Variants in RGS7 observed in about 807,000 individuals in gnomAD.
The protein encoded by RGS7 is regulator of G-protein signaling 7.
In RGS7, 27 loss-of-function variants were observed where a neutral mutation model predicts 81.1. The observed-to-expected ratio is 0.33, with a 90% CI of 0.25 to 0.46. RGS7 has a LOEUF of 0.46. Among genes scored for constraint, RGS7 ranks in the 20% least tolerant of loss-of-function variants. The probability of loss-of-function intolerance (pLI) is 1.00; values close to 1 mark genes in which losing one functional copy is unlikely to be tolerated. For synonymous variants in RGS7, 208 were observed against 207.7 expected, an observed-to-expected ratio of 1.00 and a Z score of -0.01; for missense variants, 396 against 607.4, an observed-to-expected ratio of 0.65 and a Z score of 3.66.
At chr1:240,997,772 G>A (rs552602820) in intron 3 of RGS7, among the ~76,000 whole-genome samples, 4 of 152,250 alleles carry the variant, frequency 2.6e-5, no homozygotes, top group Non-Finnish European at 2.9e-5. Context: ...TGCAGTGAGC[G>A]GAGATCGTGC....
At chr1:241,061,837 A>G (rs1039986493) in intron 3 of RGS7, among the ~76,000 whole-genome samples, 3 of 152,132 alleles carry the variant, frequency 2.0e-5, no homozygotes, top group African/African-American at 7.2e-5. Context: ...TTAGCTCCCT[A>G]TTATCTATTA....
chr1:241,006,387 G>A (rs1414337167), intron 3 of RGS7, among the ~76,000 whole-genome samples: 1 of 152,080 alleles, frequency 6.6e-6, no homozygotes, highest in East Asian at 1.9e-4. Flanking sequence ...ATCTCCTCAG[G>A]AGCTTTACTG....
At chr1:241,044,578 TGC>T (rs1308367290) in intron 3 of RGS7, among the ~76,000 whole-genome samples, 2 of 152,050 alleles carry the variant, frequency 1.3e-5, no homozygotes, top group African/African-American at 4.8e-5. Flanking sequence ...TATGCCACCA[TGC>T]TCAGCTAATT....
chr1:241,075,860 G>A (rs886159372), intron 3 of RGS7, among the ~76,000 whole-genome samples: 7 of 152,332 alleles, frequency 4.6e-5, no homozygotes, highest in African/African-American at 1.7e-4. Flanking sequence ...TTGAGGTACT[G>A]TGGAGTGAAA....
At chr1:241,259,650 C>CAAAAAAAAAAAAAAAAAAAAAAAAAAAAA (rs71571832) in intron 2 of RGS7, among the ~76,000 whole-genome samples, 2 of 39,916 alleles carry the variant, frequency 5.0e-5, no homozygotes, top group Non-Finnish European at 8.3e-5. Flanking sequence ...AACTCCGTCT[C>CAAAAAAAAAAAAAAAAAAAAAAAAAAAAA]AAAAAAAAAA....
chr1:240,975,889 T>C (rs1345390230), intron 4 of RGS7, among the ~76,000 whole-genome samples: 1 of 152,062 alleles, frequency 6.6e-6, no homozygotes, highest in South Asian at 2.1e-4. Context: ...TGGCCCCAAT[T>C]TGCTCACACA....
intron 10 of RGS7, 125 bp downstream of exon 10, chr1:240,826,973 G>T: frequency 1.2e-6 from 1 of 800,656 alleles, no homozygotes. Context: ...GGAAGGGAGG[G>T]CTGTGGAAGG....
intron 9 of RGS7, among the ~76,000 whole-genome samples, chr1:240,835,185 GA>G (rs888667081): frequency 1.3e-5 from 2 of 151,102 alleles, no homozygotes; most frequent in Non-Finnish European, 1.5e-5. Context: ...CCACAAACTG[GA>G]AAAAAAATAG....
chr1:241,181,174 ACC>A (rs1220077827), intron 2 of RGS7, among the ~76,000 whole-genome samples: 1 of 152,228 alleles, frequency 6.6e-6, no homozygotes, highest in Admixed American at 6.5e-5. Context: ...AATGTACAAC[ACC>A]AAGAGGGAAC....
In RGS7 at chr1:240,861,929, A is replaced by G. The variant is rs1046104609; in HGVS notation, c.609+6658T>C. Reference sequence around the variant, plus strand: ...TTTAGCTAGATGTTAAAATCCTGTTAATACAAGCTACTAACGCATTATTCT... The same window carrying G: ...TTTAGCTAGATGTTAAAATCCTGTTGATACAAGCTACTAACGCATTATTCT... On this transcript the variant is annotated intron_variant, in intron 9 of 18. Coordinates refer to ENST00000440928, the MANE Select transcript of RGS7 (RefSeq NM_001364886.1). Among the ~76,000 whole-genome samples, 8 of 152,298 alleles carry G rather than the reference A, an allele frequency of 5.3e-5. No individual in the cohort carries two copies. In the East Asian group the frequency reaches 1.5e-3, roughly 29 times the overall value.
intron 2 of RGS7, among the ~76,000 whole-genome samples, chr1:241,293,379 T>C (rs2079197890): frequency 6.6e-6 from 1 of 152,200 alleles, no homozygotes. Context: ...TAAGTAGAAG[T>C]ATATAATAAG....
At chr1:241,115,562 G>A (rs986674311) in intron 2 of RGS7, among the ~76,000 whole-genome samples, 4 of 152,162 alleles carry the variant, frequency 2.6e-5, no homozygotes, top group African/African-American at 9.7e-5. Flanking sequence ...CCCATTGTAT[G>A]TGTATTGATT....
intron 2 of RGS7, among the ~76,000 whole-genome samples, chr1:241,223,352 A>G (rs555974157): frequency 6.6e-6 from 1 of 152,328 alleles, no homozygotes; most frequent in African/African-American, 2.4e-5. Context: ...ATTTGCCAAG[A>G]TTTGTCCTGA....
intron 2 of RGS7, among the ~76,000 whole-genome samples, chr1:241,321,529 A>G (rs1415641730): frequency 2.0e-5 from 3 of 152,194 alleles, no homozygotes; most frequent in Non-Finnish European, 2.9e-5. Context: ...TGCAGATTAA[A>G]AGATTTTTTT....
intron 3 of RGS7, among the ~76,000 whole-genome samples, chr1:241,025,246 G>C (rs1404147320): frequency 6.6e-6 from 1 of 152,236 alleles, no homozygotes; most frequent in Non-Finnish European, 1.5e-5. Flanking sequence ...GTGGTTAGCA[G>C]AAGTAGTGGC....
intron 3 of RGS7, among the ~76,000 whole-genome samples, chr1:241,047,983 A>G (rs1278682230): frequency 3.3e-5 from 5 of 151,966 alleles, no homozygotes. Flanking sequence ...CAGGCAACCC[A>G]CCTGCCCCAG....
intron 4 of RGS7, among the ~76,000 whole-genome samples, chr1:240,947,032 A>C (rs1019527629): frequency 3.3e-5 from 5 of 152,204 alleles, no homozygotes; most frequent in Admixed American, 2.0e-4. Flanking sequence ...AGGAAAATAA[A>C]TTCTAGATGC....
chr1:240,850,654 G>GAGATA (rs1307383728), intron 9 of RGS7, among the ~76,000 whole-genome samples: 1 of 152,170 alleles, frequency 6.6e-6, no homozygotes, highest in Non-Finnish European at 1.5e-5. Context: ...GTTGGAAGCT[G>GAGATA]AGATAGGATG....
rs3044718 is a variant in RGS7 at position 240,976,725 on chromosome 1, CTCTATCTATCTATCTATCTA to C, written c.226+6334_226+6353del. Among the ~76,000 whole-genome samples the C allele has an allele frequency of 8.8e-4, 131 of 148,160 alleles. 1 individual carries two copies. The highest frequency in any genetic ancestry group is 2.9e-3 in the African/African-American group (117 of 40,112). On this transcript the variant is annotated intron_variant, in intron 4 of 18. Transcript: ENST00000440928. ...ATTGTGTGAGCAAATTCCTCAAAATCTCTATCTATCTATCTATCTATCTATCTATCTATCTATCTATCTAT... is the reference window on the plus strand; with the variant it reads ...ATTGTGTGAGCAAATTCCTCAAAATCTCTATCTATCTATCTATCTATCTAT...
Sources: allele counts gnomAD v4.1 joint callset (sites outside exome capture counted in the v4.1 genomes callset), GRCh38; gene constraint gnomAD v4.1.1; transcripts MANE v1.5; gene names NCBI Gene and HGNC (gene_info 2026-07-23, HGNC 2026-07-21).